Variants in UTRN observed in about 807,000 individuals in gnomAD.
The protein encoded by UTRN is dystrophin-related protein 1.
Under a neutral mutation model 463.9 loss-of-function variants are expected in UTRN, and 283 were observed. The ratio of observed to expected loss-of-function variants is 0.61; its 90% CI spans 0.55 to 0.67. The LOEUF (loss-of-function observed/expected upper bound fraction) is 0.67, where lower values mean the gene tolerates loss of function less well. UTRN is among the 30% of genes least tolerant of loss of function. The pLI is 0.00. For missense variants in UTRN, 3,922 were observed against 4,084.3 expected, an observed-to-expected ratio of 0.96 and a Z score of 1.08; for synonymous variants, 1,442 against 1,431.5, an observed-to-expected ratio of 1.01 and a Z score of -0.17.
At chr6:144,595,931 A>G (rs1803599025) in intron 51 of UTRN, among the ~76,000 whole-genome samples, 2 of 152,170 alleles carry the variant, frequency 1.3e-5, no homozygotes, top group African/African-American at 2.4e-5. Flanking sequence ...TTGCTTCATT[A>G]CATGGCCTGT....
chr6:144,836,533 C>T lies in UTRN; in HGVS notation c.10057C>T (p.Leu3353=), dbSNP rs1178516824. ...ESQLHRLRQL[L]EQPESDSRIN... ...TCAGCTCCACCGCCTCCGACAGCTG[C>T]TGGAGCAGGTAGGGTGTGTAGAATT... Residue 3353 remains leucine, a synonymous_variant, in exon 71 of 75, where the codon CTG becomes TTG. Transcript: ENST00000367545. 6.2e-7 allele frequency: 1 copy of T among 1,613,488 alleles called. No individual in the cohort carries two copies. The highest frequency in any genetic ancestry group is 1.7e-5 in the Admixed American group (1 of 60,012).
intron 60 of UTRN, among the ~76,000 whole-genome samples, 199 bp from the exon 61 acceptor site, chr6:144,781,723 A>G (rs973515216): frequency 2.6e-5 from 4 of 152,220 alleles, no homozygotes; most frequent in African/African-American, 9.6e-5. Flanking sequence ...TTCAGATTCA[A>G]AAGTATGAAA....
At chr6:144,746,939 C>G (rs1167057884) in intron 54 of UTRN, among the ~76,000 whole-genome samples, 1 of 152,164 alleles carries the variant, frequency 6.6e-6, no homozygotes, top group Non-Finnish European at 1.5e-5. Context: ...TCTGCGGTTG[C>G]TAAATATCAA....
chr6:144,808,602 AT>A (rs1418996118), intron 65 of UTRN, among the ~76,000 whole-genome samples: 15 of 152,076 alleles, frequency 9.9e-5, no homozygotes, highest in Admixed American at 7.9e-4. Context: ...CAAGCTGTAC[AT>A]TAGGTCTCCA....
At chr6:144,782,576 G>A (rs186954243) in intron 61 of UTRN, among the ~76,000 whole-genome samples, 21 of 151,836 alleles carry the variant, frequency 1.4e-4, no homozygotes, top group Admixed American at 5.2e-4. Flanking sequence ...GGCCATGAAC[G>A]AGGTAGTCTT....
At chr6:144,339,947 C>T (rs975804722) in intron 2 of UTRN, among the ~76,000 whole-genome samples, 1 of 152,168 alleles carries the variant, frequency 6.6e-6, no homozygotes, top group Non-Finnish European at 1.5e-5. Flanking sequence ...GTGGACAGAT[C>T]GCTTGAGGTC....
At chr6:144,553,332 C>G (rs950493298) in intron 48 of UTRN, among the ~76,000 whole-genome samples, 1 of 152,170 alleles carries the variant, frequency 6.6e-6, no homozygotes, top group Non-Finnish European at 1.5e-5. Flanking sequence ...GCCACTGCAC[C>G]CAGCCAGTTG....
At chr6:144,848,669 C>T (rs1313931263) in intron 74 of UTRN, among the ~76,000 whole-genome samples, 8 of 152,022 alleles carry the variant, frequency 5.3e-5, no homozygotes, top group Non-Finnish European at 1.2e-4. Flanking sequence ...ATATTTGGAC[C>T]TTTGTGTGAA....
intron 50 of UTRN, among the ~76,000 whole-genome samples, chr6:144,572,572 G>C (rs574034726): frequency 6.6e-6 from 1 of 151,726 alleles, no homozygotes; most frequent in Admixed American, 6.6e-5. Context: ...GACAGGCCCC[G>C]GTGTGTGATG....
chr6:144,716,667 A>G (rs923707418), intron 53 of UTRN, among the ~76,000 whole-genome samples: 1 of 152,206 alleles, frequency 6.6e-6, no homozygotes, highest in African/African-American at 2.4e-5. Flanking sequence ...GAATAAAAAC[A>G]TGGCCATAAT....
At chr6:144,722,141 C>T (rs914515796) in intron 53 of UTRN, among the ~76,000 whole-genome samples, 2 of 152,172 alleles carry the variant, frequency 1.3e-5, no homozygotes, top group African/African-American at 4.8e-5. Flanking sequence ...CCCTAACTTC[C>T]TTGATAGAAA....
chr6:144,555,029 T>C, intron 49 of UTRN, 136 bp downstream of exon 49: 1 of 1,096,524 alleles, frequency 9.1e-7, no homozygotes. Context: ...GAAATTTATA[T>C]GAAGAATTTG....
At chr6:144,702,086 A>G (rs557962279) in intron 53 of UTRN, among the ~76,000 whole-genome samples, 3 of 152,224 alleles carry the variant, frequency 2.0e-5, no homozygotes, top group Non-Finnish European at 4.4e-5. Flanking sequence ...GAAACAGAAT[A>G]ACACAAAGCT....
chr6:144,776,627 T>C (rs1217852757), intron 60 of UTRN, among the ~76,000 whole-genome samples: 3 of 152,184 alleles, frequency 2.0e-5, no homozygotes, highest in African/African-American at 7.2e-5. Context: ...TTTGCCTGGC[T>C]CACCTCTCTG....
chr6:144,588,535 A>G (rs1802695471), intron 51 of UTRN, among the ~76,000 whole-genome samples: 3 of 152,210 alleles, frequency 2.0e-5, no homozygotes, highest in South Asian at 4.1e-4. Flanking sequence ...CAAATCCGGA[A>G]CAAATAGAAG....
intron 51 of UTRN, among the ~76,000 whole-genome samples, chr6:144,637,328 C>G (rs1294136875): frequency 6.6e-6 from 1 of 151,922 alleles, no homozygotes; most frequent in East Asian, 1.9e-4. Context: ...GTTATGTGGC[C>G]CTTACGTTAC....
chr6:144,720,811 G>T (rs568284938), intron 53 of UTRN, among the ~76,000 whole-genome samples: 20 of 152,136 alleles, frequency 1.3e-4, no homozygotes, highest in African/African-American at 4.1e-4. Flanking sequence ...TCATAATGAG[G>T]CTCCTTGGTA....
chr6:144,514,724 T>C lies in UTRN; in HGVS notation c.5148T>C (p.Asn1716=). ...NVRDQALILM[N]ARGSSSRELV... is the part of the protein sequence containing the mutation. ...GCGATCAAGCCCTTATTTTGATGAA[T>C]GCCCGTGGAAGCTCAAGCAGGGAGC... Residue 1716 remains asparagine, a synonymous_variant, in exon 37 of 75, where the codon AAT becomes AAC. Coordinates refer to ENST00000367545, the MANE Select transcript of UTRN (RefSeq NM_007124.3). 1 of 1,614,192 alleles carries C rather than the reference T, an allele frequency of 6.2e-7. No individual in the cohort carries two copies. Among genetic ancestry groups the C allele is most frequent in the South Asian group, 1.1e-5 (1 of 91,088 alleles).
rs187016684 is a variant in UTRN at position 144,619,564 on chromosome 6, A to G, written c.7479+42276A>G. 5.1e-4 allele frequency among the ~76,000 whole-genome samples: 78 copies of G among 152,350 alleles called. No homozygotes were observed. The Middle Eastern group carries it at 0.01, about 20-fold the overall frequency. On this transcript the variant is annotated intron_variant, in intron 51 of 74. Transcript: ENST00000367545. ...TTAATGTGCCTTGTGAAATTTCTCA[A>G]TGGTGAATACATTTTTTATTCTATG... is the stretch of plus-strand genomic sequence containing the variant.
Sources: allele counts gnomAD v4.1 joint callset (sites outside exome capture counted in the v4.1 genomes callset), GRCh38; gene constraint gnomAD v4.1.1; transcripts MANE v1.5; gene names NCBI Gene and HGNC (gene_info 2026-07-23, HGNC 2026-07-21).